The following NELL1 variants were observed in gnomAD, a reference collection of about 807,000 sequenced individuals.
The protein encoded by NELL1 is neural EGFL like 1.
A neutral mutation model predicts 107.4 loss-of-function variants in NELL1; 76 were observed. That is an observed-to-expected ratio of 0.71 (90% confidence interval 0.59 to 0.86). The LOEUF (loss-of-function observed/expected upper bound fraction) is 0.86. Among genes scored for constraint, NELL1 ranks in the 40% least tolerant of loss-of-function variants. The pLI, the probability that NELL1 is intolerant of heterozygous loss-of-function variation, is 0.00. For synonymous variants in NELL1, 353 were observed against 341.2 expected (o/e 1.03, Z -0.38); for missense variants, 1,024 against 1,005.5 (o/e 1.02, Z -0.25).
At chr11:21,473,742 T>C (rs1345385860) in intron 15 of NELL1, among the ~76,000 whole-genome samples, 7 of 152,038 alleles carry the variant, frequency 4.6e-5, no homozygotes, top group African/African-American at 7.2e-5. Flanking sequence ...ATGAATAATA[T>C]AGGAGGAAAT....
At chr11:21,529,272 T>G (rs1017271593) in intron 15 of NELL1, among the ~76,000 whole-genome samples, 1 of 152,154 alleles carries the variant, frequency 6.6e-6, no homozygotes, top group Non-Finnish European at 1.5e-5. Flanking sequence ...TAGGCATTTT[T>G]ATGACCCATA....
At chr11:21,278,801 C>G (rs1423564894) in intron 14 of NELL1, among the ~76,000 whole-genome samples, 1 of 152,004 alleles carries the variant, frequency 6.6e-6, no homozygotes, top group Non-Finnish European at 1.5e-5. Flanking sequence ...TTTATATGGA[C>G]AGACAAAGAC....
intron 15 of NELL1, among the ~76,000 whole-genome samples, chr11:21,518,620 A>G (rs1252264157): frequency 1.3e-5 from 2 of 152,234 alleles, no homozygotes; most frequent in Non-Finnish European, 2.9e-5. Flanking sequence ...AGGATTAGAT[A>G]TAATGGCATA....
At chr11:21,201,241 T>C (rs562056517) in intron 13 of NELL1, among the ~76,000 whole-genome samples, 1 of 152,336 alleles carries the variant, frequency 6.6e-6, no homozygotes, top group South Asian at 2.1e-4. Context: ...ATTTTCACAA[T>C]ATTGAGTTTT....
intron 2 of NELL1, among the ~76,000 whole-genome samples, chr11:20,761,806 T>A (rs1425647619): frequency 3.3e-5 from 5 of 152,228 alleles, no homozygotes; most frequent in South Asian, 4.1e-4. Flanking sequence ...AAATAAAACC[T>A]CGAAACTTGA....
intron 2 of NELL1, among the ~76,000 whole-genome samples, chr11:20,708,287 A>C (rs937512221): frequency 6.6e-6 from 1 of 152,210 alleles, no homozygotes; most frequent in Non-Finnish European, 1.5e-5. Flanking sequence ...GATCCCTTGC[A>C]CTTCCCGGGT....
At chr11:20,814,693 G>T (rs1857584847) in intron 3 of NELL1, among the ~76,000 whole-genome samples, 1 of 151,954 alleles carries the variant, frequency 6.6e-6, no homozygotes, top group African/African-American at 2.4e-5. Context: ...TCTTTATCCA[G>T]TCCACTGTTG....
At chr11:20,898,820 T>C (rs988388483) in intron 5 of NELL1, among the ~76,000 whole-genome samples, 3 of 152,134 alleles carry the variant, frequency 2.0e-5, no homozygotes, top group Admixed American at 6.6e-5. Context: ...CACAAGTAAA[T>C]AATATTTGCT....
intron 13 of NELL1, among the ~76,000 whole-genome samples, chr11:21,135,528 G>A (rs1855726398): frequency 6.6e-6 from 1 of 152,158 alleles, no homozygotes; most frequent in Admixed American, 6.5e-5. Context: ...TTGTGTCTTA[G>A]TTCTACAACT....
At chr11:20,770,808 C>G in intron 2 of NELL1, 1 of 152,130 alleles carries the variant, frequency 6.6e-6, no homozygotes, top group Non-Finnish European at 1.5e-5. Flanking sequence ...AGCTATTCAT[C>G]ACTTAGTTCC....
At chr11:20,699,514 C>G (rs556940825) in intron 2 of NELL1, among the ~76,000 whole-genome samples, 1 of 152,180 alleles carries the variant, frequency 6.6e-6, no homozygotes, top group East Asian at 2.0e-4. Context: ...GTGCACGCCA[C>G]CATGCCCAAC....
chr11:21,146,423 A>G (rs1019574097), intron 13 of NELL1, among the ~76,000 whole-genome samples: 1 of 152,180 alleles, frequency 6.6e-6, no homozygotes, highest in African/African-American at 2.4e-5. Flanking sequence ...CAGAGGCCAG[A>G]GAGAGCCGGG....
intron 14 of NELL1, among the ~76,000 whole-genome samples, chr11:21,338,688 C>T (rs929375467): frequency 1.6e-5 from 2 of 123,646 alleles, no homozygotes; most frequent in Admixed American, 8.5e-5. Flanking sequence ...ACGGAGGAAA[C>T]AAACATTTCC....
chr11:20,972,100 C>T (rs1483119406), intron 12 of NELL1, among the ~76,000 whole-genome samples: 4 of 151,864 alleles, frequency 2.6e-5, no homozygotes, highest in Non-Finnish European at 4.4e-5. Context: ...AAAACCTAGA[C>T]GATGGGTTGA....
intron 12 of NELL1, among the ~76,000 whole-genome samples, chr11:21,029,540 G>A (rs1341026635): frequency 5.3e-5 from 8 of 152,010 alleles, no homozygotes; most frequent in African/African-American, 9.7e-5. Context: ...CTATGAAAAC[G>A]TAATTGAGGT....
chr11:21,189,879 G>A (rs1299043263), intron 13 of NELL1, among the ~76,000 whole-genome samples: 1 of 151,772 alleles, frequency 6.6e-6, no homozygotes, highest in South Asian at 2.1e-4. Flanking sequence ...TAATACAGAT[G>A]TTTGCTTATC....
At chr11:20,942,560 T>C (rs142421504) in intron 10 of NELL1, among the ~76,000 whole-genome samples, 1 of 152,110 alleles carries the variant, frequency 6.6e-6, no homozygotes, top group East Asian at 1.9e-4. Context: ...GTAGATTAAA[T>C]GAGATAAAAC....
chr11:21,098,024 G>A (rs1854694115), intron 12 of NELL1, among the ~76,000 whole-genome samples: 1 of 149,754 alleles, frequency 6.7e-6, no homozygotes, highest in Admixed American at 6.7e-5. Context: ...TTCATGCAGA[G>A]CATATATCCC....
At chr11:20,673,087 C>T (rs1853960961) in intron 1 of NELL1, among the ~76,000 whole-genome samples, 1 of 150,944 alleles carries the variant, frequency 6.6e-6, no homozygotes, top group South Asian at 2.1e-4. Context: ...GTCTCGAACT[C>T]CTGACCTCAG....
Sources: gnomAD v4.1 joint callset for allele counts (sites outside exome capture counted in the v4.1 genomes callset) on GRCh38, gnomAD v4.1.1 for gene constraint, MANE v1.5 for transcripts, NCBI Gene and HGNC (gene_info 2026-07-23, HGNC 2026-07-21) for gene names.